Variants in C10orf67 observed in about 807,000 individuals in gnomAD.
The protein encoded by C10orf67 is chromosome 10 open reading frame 67.
In C10orf67, 60 loss-of-function variants were observed where a neutral mutation model predicts 35.6. The ratio of observed to expected loss-of-function variants is 1.68; its 90% CI spans 1.37 to 2.09. The LOEUF (loss-of-function observed/expected upper bound fraction) is 2.09. Among genes scored for constraint, C10orf67 ranks in the 30% most tolerant of loss-of-function variants. The pLI, the probability that C10orf67 is intolerant of heterozygous loss-of-function variation, is 0.00. For synonymous variants in C10orf67, 167 were observed against 115.8 expected, an observed-to-expected ratio of 1.44 and a Z score of -2.84; for missense variants, 474 against 330.2, an observed-to-expected ratio of 1.44 and a Z score of -3.38.
chr10:23,291,053 G>T, intron 6 of C10orf67, 79 bp downstream of exon 6: 1 of 617,528 alleles, frequency 1.6e-6, no homozygotes. Context: ...ATGTATGTTT[G>T]GAAAAGACAA....
intron 7 of C10orf67, among the ~76,000 whole-genome samples, chr10:23,283,286 G>C (rs965303257): frequency 1.3e-5 from 2 of 152,146 alleles, no homozygotes; most frequent in African/African-American, 4.8e-5. Flanking sequence ...TTGTATTTAC[G>C]TTGATCAATT....
intron 15 of C10orf67, among the ~76,000 whole-genome samples, chr10:23,213,632 G>T (rs1248347016): frequency 6.6e-6 from 1 of 152,032 alleles, no homozygotes; most frequent in African/African-American, 2.4e-5. Context: ...GCAAATTATT[G>T]AAGTAATGAT....
intron 9 of C10orf67, 34 bp from the exon 10 acceptor site, chr10:23,266,460 C>A: frequency 2.5e-6 from 1 of 398,460 alleles, no homozygotes; most frequent in South Asian, 1.3e-4. Flanking sequence ...TTGTTATTCT[C>A]ATTTTGTTTC....
At chr10:23,269,713 A>G (rs1842969052) in intron 8 of C10orf67, among the ~76,000 whole-genome samples, 1 of 152,012 alleles carries the variant, frequency 6.6e-6, no homozygotes, top group Non-Finnish European at 1.5e-5. Context: ...TGCAACACAA[A>G]CATAAGAAGG....
chr10:23,212,991 T>C (rs1266560962), intron 15 of C10orf67, among the ~76,000 whole-genome samples: 2 of 152,166 alleles, frequency 1.3e-5, no homozygotes, highest in Non-Finnish European at 2.9e-5. Context: ...AAAGAGTTCA[T>C]GTTTAATGAT....
At chr10:23,320,869 C>A (rs1395530291) in intron 3 of C10orf67, 54 bp from the exon 4 acceptor site, 6 of 1,205,238 alleles carry the variant, frequency 5.0e-6, no homozygotes, top group Non-Finnish European at 4.7e-6. Context: ...AAATATGACC[C>A]ACACCTACTA....
chr10:23,214,748 G>A lies in C10orf67; in HGVS notation c.1570+8850C>T, dbSNP rs1841388037. ...AAACAACATCAGGGAGAGGCTGGGTGCAGTGGCTCACGCCCGTAATCCCCA... is the reference window on the plus strand; with the variant it reads ...AAACAACATCAGGGAGAGGCTGGGTACAGTGGCTCACGCCCGTAATCCCCA... On this transcript the variant is annotated intron_variant, in intron 15 of 15. Coordinates refer to ENST00000636213, the MANE Select transcript of C10orf67 (RefSeq NM_001371909.1). Among the ~76,000 whole-genome samples the A allele has an allele frequency of 2.0e-5, 3 of 152,278 alleles. No individual in the cohort carries two copies. The South Asian group carries it at 6.2e-4, about 32-fold the overall frequency.
chr10:23,246,764 G>A (rs749276914), intron 12 of C10orf67, among the ~76,000 whole-genome samples: 6 of 152,100 alleles, frequency 3.9e-5, no homozygotes, highest in Middle Eastern at 3.4e-3. Context: ...AGTTTAAAAC[G>A]TAAAAAATAA....
chr10:23,272,470 G>T (rs1843055900), intron 8 of C10orf67, among the ~76,000 whole-genome samples: 1 of 152,172 alleles, frequency 6.6e-6, no homozygotes, highest in Non-Finnish European at 1.5e-5. Flanking sequence ...AATTGCGTTT[G>T]CATCTTGGTC....
chr10:23,278,082 G>A (rs528023963), intron 8 of C10orf67, among the ~76,000 whole-genome samples: 22 of 152,328 alleles, frequency 1.4e-4, no homozygotes, highest in Admixed American at 7.2e-4. Flanking sequence ...AACCATTCAT[G>A]AGAAATCTGC....
At chr10:23,245,697 A>T (rs1048086059) in intron 12 of C10orf67, among the ~76,000 whole-genome samples, 1 of 152,210 alleles carries the variant, frequency 6.6e-6, no homozygotes, top group Admixed American at 6.5e-5. Flanking sequence ...AGAAAGACAA[A>T]AGATAACAAG....
rs760955384 is a variant in C10orf67, at chr10:23,266,296, A to G, written c.1166T>C (p.Met389Thr). The G allele has an allele frequency of 4.4e-4, 174 of 398,458 alleles. No individual in the cohort carries two copies. The highest frequency in any genetic ancestry group is 6.6e-4 in the Non-Finnish European group (150 of 226,082). The allele number at this position is 398,458 out of a possible 1,614,324, so 24.7% of individuals were successfully genotyped here. A position where few individuals can be genotyped will look rare whatever the true frequency, so the allele number is the denominator to read the frequency against. The change falls in exon 10 of 16, where the codon ATG (methionine) becomes ACG (threonine). Residue 389 changes from methionine to threonine, a missense_variant. Coordinates refer to ENST00000636213, the MANE Select transcript of C10orf67 (RefSeq NM_001371909.1). Reference protein sequence around the residue: ...VSSAGAQKAKMPKKALKEDQA... With the variant: ...VSSAGAQKAKTPKKALKEDQA... ...GTCTTCCTTTAAAGCCTTCTTTGGC[A>G]TTTTAGCTTTCTGGGCCCCAGCAGA...
intron 12 of C10orf67, among the ~76,000 whole-genome samples, chr10:23,243,918 G>A (rs1445127507): frequency 6.6e-6 from 1 of 152,026 alleles, no homozygotes; most frequent in East Asian, 1.9e-4. Flanking sequence ...TTGAGAAAAG[G>A]TCCCACTCTG....
intron 4 of C10orf67, among the ~76,000 whole-genome samples, chr10:23,315,801 T>A (rs1844683191): frequency 6.6e-6 from 1 of 152,064 alleles, no homozygotes; most frequent in Admixed American, 6.5e-5. Flanking sequence ...TAATACCGGA[T>A]AAGATAGATT....
chr10:23,273,382 T>A (rs1349858825), intron 8 of C10orf67, among the ~76,000 whole-genome samples: 1 of 152,224 alleles, frequency 6.6e-6, no homozygotes, highest in Non-Finnish European at 1.5e-5. Context: ...GTATTTTTTA[T>A]CATGAATGGA....
At chr10:23,221,911 T>A (rs748965571) in intron 15 of C10orf67, among the ~76,000 whole-genome samples, 1 of 152,190 alleles carries the variant, frequency 6.6e-6, no homozygotes, top group Non-Finnish European at 1.5e-5. Context: ...GGAAGAACAT[T>A]ACATGTCAAA....
At chr10:23,275,263 T>A (rs537189057) in intron 8 of C10orf67, among the ~76,000 whole-genome samples, 3 of 152,270 alleles carry the variant, frequency 2.0e-5, no homozygotes, top group African/African-American at 7.2e-5. Flanking sequence ...GGTGGGAGGA[T>A]TGCTTGAGCA....
At chr10:23,298,391 T>A (rs564600923) in intron 5 of C10orf67, among the ~76,000 whole-genome samples, 41 of 152,156 alleles carry the variant, frequency 2.7e-4, no homozygotes, top group African/African-American at 8.9e-4. Context: ...CTATTCCTGT[T>A]TTTTCTGTGA....
intron 7 of C10orf67, among the ~76,000 whole-genome samples, chr10:23,283,595 T>C (rs1843437106): frequency 6.6e-6 from 1 of 152,182 alleles, no homozygotes; most frequent in South Asian, 2.1e-4. Flanking sequence ...TATAATCTTC[T>C]GCCACCGTCC....
Sources: allele counts gnomAD v4.1 joint callset (sites outside exome capture counted in the v4.1 genomes callset), GRCh38; gene constraint gnomAD v4.1.1; transcripts MANE v1.5; gene names NCBI Gene and HGNC (gene_info 2026-07-23, HGNC 2026-07-21).